The following KIAA0513 variants were observed in gnomAD, a reference collection of about 807,000 sequenced individuals.
The protein encoded by KIAA0513 is uncharacterized protein KIAA0513.
Under a neutral mutation model 56.5 loss-of-function variants are expected in KIAA0513, and 39 were observed. The observed-to-expected ratio is 0.69, with a 90% confidence interval of 0.53 to 0.90. KIAA0513 has a LOEUF of 0.90. Among genes scored for constraint, KIAA0513 ranks in the 40% least tolerant of loss-of-function variants. The probability of loss-of-function intolerance (pLI) is 0.00; values close to 1 mark genes in which losing one functional copy is unlikely to be tolerated. For synonymous variants in KIAA0513, 268 were observed against 215.6 expected (o/e 1.24, Z -2.13); for missense variants, 591 against 535.2 (o/e 1.10, Z -1.03).
At chr16:85,052,411 C>G (rs1160984771) in intron 1 of KIAA0513, among the ~76,000 whole-genome samples, 2 of 152,130 alleles carry the variant, frequency 1.3e-5, no homozygotes, top group African/African-American at 4.8e-5. Context: ...ACTCGGGAGG[C>G]TGAGGCACCA....
chr16:85,046,686 AC>A (rs2073175594), intron 1 of KIAA0513, among the ~76,000 whole-genome samples: 1 of 152,154 alleles, frequency 6.6e-6, no homozygotes, highest in Non-Finnish European at 1.5e-5. Flanking sequence ...CTCCGTGTTC[AC>A]TGCCTCTTTC....
chr16:85,075,745 T>C (rs1567541946), intron 4 of KIAA0513, 99 bp from the exon 5 acceptor site: 5 of 975,290 alleles, frequency 5.1e-6, no homozygotes, highest in Non-Finnish European at 8.2e-6. Flanking sequence ...AAGATATTAA[T>C]TGGGACGCAT....
intron 1 of KIAA0513, among the ~76,000 whole-genome samples, chr16:85,057,757 C>CTTTTTTTTTT (rs1460366309): frequency 6.8e-6 from 1 of 147,868 alleles, no homozygotes. Context: ...GCTGCCTCTG[C>CTTTTTTTTTT]TTTTTGTTTT....
chr16:85,082,497 T>C, intron 9 of KIAA0513, 67 bp from the exon 10 acceptor site: 1 of 1,517,616 alleles, frequency 6.6e-7, no homozygotes, highest in Non-Finnish European at 9.1e-7. Context: ...GTTCTCTTTT[T>C]ACCATCCACA....
At chr16:85,086,758 G>GA (rs11410626) in intron 11 of KIAA0513, 34 bp downstream of exon 11, 322,469 of 1,578,566 alleles carry the variant, frequency 0.2, 35,217 homozygotes, top group Admixed American at 0.36. Flanking sequence ...GGAGGGGAGA[G>GA]GGGGGAGGGC....
intron 1 of KIAA0513, among the ~76,000 whole-genome samples, chr16:85,052,407 G>C (rs980541101): frequency 6.6e-6 from 1 of 152,154 alleles, no homozygotes; most frequent in South Asian, 2.1e-4. Context: ...AGCTACTCGG[G>C]AGGCTGAGGC....
intron 1 of KIAA0513, among the ~76,000 whole-genome samples, chr16:85,028,681 G>A (rs2072921991): frequency 6.6e-6 from 1 of 151,836 alleles, no homozygotes; most frequent in African/African-American, 2.4e-5. Flanking sequence ...GACTTGGGAA[G>A]ATGAAAAGGG....
At chr16:85,067,696 G>A (rs1026238342) in intron 2 of KIAA0513, among the ~76,000 whole-genome samples, 27 of 152,298 alleles carry the variant, frequency 1.8e-4, no homozygotes, top group African/African-American at 6.3e-4. Flanking sequence ...GATTTGGAAG[G>A]GCAACCATGC....
At chr16:85,062,725 T>G (rs548334499) in intron 1 of KIAA0513, among the ~76,000 whole-genome samples, 1 of 152,204 alleles carries the variant, frequency 6.6e-6, no homozygotes, top group Non-Finnish European at 1.5e-5. Flanking sequence ...TAGAAACCTG[T>G]AGAAGCTCTG....
rs1362531777 is a variant in KIAA0513, at chr16:85,047,281, A to G, written c.-173+19423A>G. Among the ~76,000 whole-genome samples the G allele has an allele frequency of 6.6e-5, 10 of 152,256 alleles. No individual in the cohort carries two copies. The East Asian group carries it at 1.2e-3, about 18-fold the overall frequency. On this transcript the variant is annotated intron_variant, in intron 1 of 12. Transcript: ENST00000683363. The stretch of plus-strand genomic sequence containing the variant: ...GTCTGTGCTTGAGGGCTCTGTTTAC[A>G]TATGCCTCGCTCAGGGCTGAGCCCA...
chr16:85,066,708 A>G (rs1216919633), intron 1 of KIAA0513, 192 bp from the exon 2 acceptor site: 2 of 198,522 alleles, frequency 1.0e-5, no homozygotes, highest in African/African-American at 4.6e-5. Context: ...TTGTTCATTC[A>G]TTTCACAAGT....
At chr16:85,051,210 G>A (rs1042586847) in intron 1 of KIAA0513, among the ~76,000 whole-genome samples, 7 of 152,132 alleles carry the variant, frequency 4.6e-5, no homozygotes, top group African/African-American at 1.4e-4. Context: ...GGTCGTCTTC[G>A]TGGAGAACTT....
At chr16:85,037,675 A>T (rs914946340) in intron 1 of KIAA0513, among the ~76,000 whole-genome samples, 1 of 152,226 alleles carries the variant, frequency 6.6e-6, no homozygotes, top group Non-Finnish European at 1.5e-5. Flanking sequence ...GCAGAACAAC[A>T]TCACTCCTAG....
chr16:85,050,249 T>G (rs2073231412), intron 1 of KIAA0513, among the ~76,000 whole-genome samples: 2 of 152,148 alleles, frequency 1.3e-5, no homozygotes, highest in Non-Finnish European at 2.9e-5. Flanking sequence ...GTGAGGTGAC[T>G]TGAGTTGGGA....
intron 1 of KIAA0513, among the ~76,000 whole-genome samples, chr16:85,029,513 C>T (rs1448488548): frequency 1.3e-5 from 2 of 152,266 alleles, no homozygotes; most frequent in African/African-American, 2.4e-5. Context: ...CTTTTCACGA[C>T]AATAACTGCT....
chr16:85,039,978 G>T (rs549917846), intron 1 of KIAA0513, among the ~76,000 whole-genome samples: 26 of 151,722 alleles, frequency 1.7e-4, no homozygotes, highest in South Asian at 1.7e-3. Flanking sequence ...GGGATTACAG[G>T]CATGTGCCAC....
chr16:85,072,933 C>T lies in KIAA0513; in HGVS notation c.438C>T (p.Asn146=). The T allele has an allele frequency of 6.2e-7, 1 of 1,614,194 alleles. No homozygotes were observed. The highest frequency in any genetic ancestry group is 8.5e-7 in the Non-Finnish European group (1 of 1,180,016). Residue 146 remains asparagine (N), a synonymous_variant, in exon 4 of 13, where the codon AAC becomes AAT. Transcript: ENST00000683363. ...FARYVSAQRC[N]SKCVSEATFY... Reference sequence around the variant, plus strand: ...TGCCTCTTTCTGGACAGCGCTGCAACTCCAAGTGTGTCTCAGAGGCAACCT... The same window carrying T: ...TGCCTCTTTCTGGACAGCGCTGCAATTCCAAGTGTGTCTCAGAGGCAACCT...
intron 1 of KIAA0513, among the ~76,000 whole-genome samples, chr16:85,064,780 G>C (rs936359226): frequency 1.3e-5 from 2 of 152,096 alleles, no homozygotes; most frequent in African/African-American, 2.4e-5. Context: ...CCGCCTCCTG[G>C]GTTCAAGTAA....
At position 85,092,047 on chromosome 16, in the gene KIAA0513, A is replaced by T. The variant is rs1208850104; in HGVS notation, c.*3722A>T. ...AACCTCCACCTCCCGGGTTCAAGCA[A>T]TTCTCCTGCCTCAGCCTCCTGAGTA... On this transcript the variant is annotated 3_prime_UTR_variant, in exon 13 of 13. Coordinates refer to ENST00000683363, the MANE Select transcript of KIAA0513 (RefSeq NM_001388359.1). The T allele has an allele frequency of 6.6e-6, 1 of 151,264 alleles. No homozygotes were observed. The highest frequency in any genetic ancestry group is 2.4e-5 in the African/African-American group (1 of 40,970). 9.4% of individuals were successfully genotyped at this position (151,264 alleles called of 1,614,324 possible). A position where few individuals can be genotyped will look rare whatever the true frequency, so the allele number is the denominator to read the frequency against.
Sources: gnomAD v4.1 joint callset for allele counts (sites outside exome capture counted in the v4.1 genomes callset) on GRCh38, gnomAD v4.1.1 for gene constraint, MANE v1.5 for transcripts, NCBI Gene and HGNC (gene_info 2026-07-23, HGNC 2026-07-21) for gene names.